BTAF1: variants seen among roughly 807,000 people sequenced by gnomAD.
BTAF1 encodes TATA-binding protein-associated factor 172.
Under a neutral mutation model 227.1 loss-of-function variants are expected in BTAF1, and 38 were observed. The observed-to-expected ratio is 0.17, with a 90% CI of 0.13 to 0.22. BTAF1 has a LOEUF of 0.22. Ranked by LOEUF, BTAF1 falls within the 10% of genes least tolerant of loss-of-function variation. The probability of loss-of-function intolerance (pLI) is 1.00; values close to 1 mark genes in which losing one functional copy is unlikely to be tolerated. For missense variants in BTAF1, 1,598 were observed against 2,204.0 expected (o/e 0.73, Z 5.51); for synonymous variants, 742 against 751.9 (o/e 0.99, Z 0.21).
At chr10:91,973,308 G>A (rs901868930) in intron 14 of BTAF1, among the ~76,000 whole-genome samples, 1 of 152,112 alleles carries the variant, frequency 6.6e-6, no homozygotes, top group Non-Finnish European at 1.5e-5. Context: ...ACCCTCTCTG[G>A]TGATTATCTC....
chr10:91,960,909 G>A (rs1478230107), intron 11 of BTAF1, among the ~76,000 whole-genome samples: 1 of 152,058 alleles, frequency 6.6e-6, no homozygotes, highest in Non-Finnish European at 1.5e-5. Flanking sequence ...TCTTAGATTG[G>A]CCCACAAAAG....
intron 9 of BTAF1, 47 bp from the exon 10 acceptor site, chr10:91,959,738 G>GTATATATATATATATATA (rs1421248732): frequency 8.4e-6 from 3 of 359,064 alleles, no homozygotes; most frequent in Admixed American, 1.4e-4. Flanking sequence ...GTGTGTGTGT[G>GTATATATATATATATATA]TGTATATATA....
At chr10:91,960,287 G>A in intron 11 of BTAF1, 133 bp downstream of exon 11, 1 of 946,810 alleles carries the variant, frequency 1.1e-6, no homozygotes, top group South Asian at 2.0e-5. Context: ...TTGCCGTCTT[G>A]AGAGAGTGTC....
chr10:91,991,473 G>A (rs1248213282), intron 20 of BTAF1, among the ~76,000 whole-genome samples: 2 of 149,976 alleles, frequency 1.3e-5, no homozygotes, highest in Non-Finnish European at 3.0e-5. Flanking sequence ...TTAATAGGCT[G>A]GGCATGGTGG....
intron 21 of BTAF1, 68 bp downstream of exon 21, chr10:91,992,377 C>T: frequency 7.2e-7 from 1 of 1,384,724 alleles, no homozygotes; most frequent in Non-Finnish European, 9.7e-7. Flanking sequence ...AAATTGAGAA[C>T]TAAGTTGTAT....
At chr10:91,999,440 G>C (rs925468371) in intron 25 of BTAF1, among the ~76,000 whole-genome samples, 1 of 152,122 alleles carries the variant, frequency 6.6e-6, no homozygotes. Context: ...TTGCAACCAG[G>C]CTGGAGTGCA....
At chr10:91,925,483 A>G (rs1843760167) in intron 1 of BTAF1, among the ~76,000 whole-genome samples, 1 of 150,038 alleles carries the variant, frequency 6.7e-6, no homozygotes, top group African/African-American at 2.4e-5. Context: ...GAAAGTGTTT[A>G]AAAAGAACCT....
chr10:91,998,534 G>A (rs558392563), intron 25 of BTAF1, among the ~76,000 whole-genome samples: 2 of 152,084 alleles, frequency 1.3e-5, no homozygotes, highest in Non-Finnish European at 2.9e-5. Context: ...ATTCATGGGG[G>A]CACAAATAAT....
intron 36 of BTAF1, 106 bp from the exon 37 acceptor site, chr10:92,027,024 C>T (rs1590012586): frequency 3.3e-6 from 4 of 1,209,022 alleles, no homozygotes; most frequent in South Asian, 1.6e-5. Flanking sequence ...AAAAATCCAA[C>T]CCTAATTAGG....
rs1279490933 is a variant in BTAF1 at position 92,009,257 on chromosome 10, A to G, written c.4103+49A>G. ...AAATATTTCATCTGTTGTCATAATT[A>G]AGATAAGGAACAGTAACATTTATTA... is the stretch of plus-strand genomic sequence containing the variant. On this transcript the variant is annotated intron_variant, in intron 28 of 37. Coordinates refer to ENST00000265990, the MANE Select transcript of BTAF1 (RefSeq NM_003972.3). 3.8e-6 allele frequency: 6 copies of G among 1,567,510 alleles called. No homozygotes were observed. The South Asian group carries it at 6.8e-5, about 18-fold the overall frequency.
intron 6 of BTAF1, among the ~76,000 whole-genome samples, chr10:91,956,300 A>G (rs980841580): frequency 1.3e-5 from 2 of 152,186 alleles, no homozygotes; most frequent in African/African-American, 4.8e-5. Context: ...GAATTCACCA[A>G]CCTATAGTGT....
At chr10:91,945,000 T>C (rs993946994) in intron 4 of BTAF1, among the ~76,000 whole-genome samples, 1 of 152,250 alleles carries the variant, frequency 6.6e-6, no homozygotes, top group African/African-American at 2.4e-5. Context: ...AGCAACAGGC[T>C]ATACCATACA....
rs764953527 is a variant in BTAF1, at chr10:91,993,829, A to G, written c.3181A>G (p.Ile1061Val). ...DAMVGPLRNTIDINNFDGKSL... is the reference protein window; with the variant it reads ...DAMVGPLRNTVDINNFDGKSL... ...TATGGTTGGCCCATTGAGGAATACA[A>G]TCGACATAAATAATTTTGGTATACA... The change falls in exon 22 of 38, where the codon ATC becomes GTC. Residue 1061 changes from isoleucine (I) to valine (V), a missense_variant. Transcript: ENST00000265990. The G allele has an allele frequency of 1.6e-5, 26 of 1,596,060 alleles. No homozygotes were observed. Among genetic ancestry groups the G allele is most frequent in the South Asian group, 9.2e-5 (8 of 86,590 alleles).
chr10:91,980,662 T>G, intron 15 of BTAF1, 104 bp downstream of exon 15: 1 of 860,560 alleles, frequency 1.2e-6, no homozygotes, highest in Non-Finnish European at 1.9e-6. Flanking sequence ...TCATGGAGAT[T>G]TGAAAAGTCT....
intron 5 of BTAF1, 115 bp from the exon 6 acceptor site, chr10:91,953,622 T>C: frequency 8.8e-7 from 1 of 1,130,186 alleles, no homozygotes; most frequent in Non-Finnish European, 1.2e-6. Flanking sequence ...CAAAAAAGAA[T>C]GTGATCGATG....
intron 37 of BTAF1, 137 bp from the exon 38 acceptor site, chr10:92,028,653 A>G: frequency 1.2e-6 from 1 of 806,592 alleles, no homozygotes; most frequent in Non-Finnish European, 1.9e-6. Context: ...TTTGGAGATC[A>G]TGAATTTCCC....
chr10:91,953,731 T>G lies in BTAF1; in HGVS notation c.565-6T>G, dbSNP rs1378158150. ...GTTCCAACTCAGCATTCTTTTATTC[T>G]TTTAGACTCTTCAGGCAGCTGAATT... On this transcript the variant is annotated splice_region_variant and splice_polypyrimidine_tract_variant and intron_variant, in intron 5 of 37. Coordinates refer to ENST00000265990, the MANE Select transcript of BTAF1 (RefSeq NM_003972.3). 1.9e-6 allele frequency: 3 copies of G among 1,612,338 alleles called. No individual in the cohort carries two copies. The highest frequency in any genetic ancestry group is 2.5e-6 in the Non-Finnish European group (3 of 1,179,532).
intron 4 of BTAF1, among the ~76,000 whole-genome samples, chr10:91,949,135 A>G (rs1488858832): frequency 6.6e-6 from 1 of 152,066 alleles, no homozygotes; most frequent in African/African-American, 2.4e-5. Context: ...GTCTAGAGAG[A>G]AGACCCCACC....
chr10:91,968,401 G>A, intron 14 of BTAF1, among the ~76,000 whole-genome samples: 1 of 152,056 alleles, frequency 6.6e-6, no homozygotes, highest in East Asian at 1.9e-4. Context: ...TTTTATCACG[G>A]AATGATACTC....
Sources: gnomAD v4.1 joint callset for allele counts (sites outside exome capture counted in the v4.1 genomes callset) on GRCh38, gnomAD v4.1.1 for gene constraint, MANE v1.5 for transcripts, NCBI Gene and HGNC (gene_info 2026-07-23, HGNC 2026-07-21) for gene names.